Variants in NOTCH3 observed in about 807,000 individuals in gnomAD.
NOTCH3 encodes the protein neurogenic locus notch homolog protein 3.
In NOTCH3, 86 loss-of-function variants were observed where a neutral mutation model predicts 213.3. The ratio of observed to expected loss-of-function variants is 0.40; its 90% confidence interval spans 0.34 to 0.48. NOTCH3 has a LOEUF of 0.48. Ranked by LOEUF, NOTCH3 falls within the 20% of genes least tolerant of loss-of-function variation. The pLI, the probability that NOTCH3 is intolerant of heterozygous loss-of-function variation, is 0.57. For missense variants in NOTCH3, 2,783 were observed against 3,272.6 expected (o/e 0.85, Z 3.65); for synonymous variants, 1,354 against 1,355.9 (o/e 1.00, Z 0.03).
chr19:15,173,752 AGGAGAAGGAGAAGGAGAAG>A (rs2046761664), intron 25 of NOTCH3, among the ~76,000 whole-genome samples: 1 of 2,518 alleles, frequency 4.0e-4, no homozygotes, highest in Non-Finnish European at 1.2e-3. Context: ...GAAAAGAAGA[AGGAGAAGGAGAAGGAGAAG>A]GAGAAGGAGA....
chr19:15,190,830 A>T (rs1328367003), intron 6 of NOTCH3, among the ~76,000 whole-genome samples: 2 of 151,762 alleles, frequency 1.3e-5, no homozygotes, highest in Non-Finnish European at 2.9e-5. Context: ...CAAGCAATCT[A>T]CCCGCCTGGG....
intron 19 of NOTCH3, among the ~76,000 whole-genome samples, 188 bp from the exon 20 acceptor site, chr19:15,180,444 C>T (rs575334057): frequency 1.3e-5 from 2 of 152,244 alleles, no homozygotes; most frequent in South Asian, 2.1e-4. Context: ...ATGCCTTCAA[C>T]GCTCACAGCA....
Position 15,192,225 on chromosome 19 carries a change from G to A in NOTCH3, c.414C>T (p.Pro138=), listed in dbSNP as rs759982965. Residue 138 remains proline, a synonymous_variant, in exon 4 of 33, where the codon CCC becomes CCT. Coordinates refer to ENST00000263388, the MANE Select transcript of NOTCH3 (RefSeq NM_000435.3). ...GGCAGGAGCAGAGGAAGCGTCCATCGGGCCCCACTGAGCAGCGGGCACCGT... is the reference window on the plus strand; with the variant it reads ...GGCAGGAGCAGAGGAAGCGTCCATCAGGCCCCACTGAGCAGCGGGCACCGT... ...CAHGARCSVG[P]DGRFLCSCPP... The A allele has an allele frequency of 1.7e-5, 28 of 1,607,778 alleles. No homozygotes were observed. Among genetic ancestry groups the A allele is most frequent in the Middle Eastern group, 1.6e-4 (1 of 6,068 alleles).
intron 28 of NOTCH3, among the ~76,000 whole-genome samples, chr19:15,168,212 G>A (rs552535375): frequency 2.6e-5 from 4 of 152,258 alleles, no homozygotes; most frequent in South Asian, 2.1e-4. Flanking sequence ...TCAGGATGAC[G>A]CAGCCATTCC....
chr19:15,179,822 G>A (rs756081691), intron 20 of NOTCH3, among the ~76,000 whole-genome samples: 7 of 152,048 alleles, frequency 4.6e-5, no homozygotes, highest in Non-Finnish European at 1.0e-4. Context: ...GGCAAAGGTT[G>A]CAGTGAGCTG....
chr19:15,179,611 G>A (rs571089544), intron 20 of NOTCH3, 115 bp from the exon 21 acceptor site: 18 of 1,144,374 alleles, frequency 1.6e-5, no homozygotes, highest in South Asian at 7.8e-5. Flanking sequence ...GATGTTCAGC[G>A]CACTACCAGT....
rs556306253 is a variant in NOTCH3, at chr19:15,163,006, C to T, written c.5816-444G>A. Among the ~76,000 whole-genome samples the T allele has an allele frequency of 9.2e-5, 14 of 152,252 alleles. No individual in the cohort carries two copies. The East Asian group carries it at 1.7e-3, about 19-fold the overall frequency. ...GCAACCTCTACCTGCTGGGCTCAGG[C>T]GATTTTCCTGCCTCAGCCTCCCTAG... On this transcript the variant is annotated intron_variant, in intron 31 of 32. Coordinates refer to ENST00000263388, the MANE Select transcript of NOTCH3 (RefSeq NM_000435.3).
chr19:15,165,884 C>A lies in NOTCH3; in HGVS notation c.5570G>T (p.Arg1857Leu). Residue 1857 changes from arginine (R) to leucine (L), a missense_variant, in exon 30 of 33, where the codon CGG (arginine) becomes CTG (leucine). This residue lies in a region of NOTCH3 where 636 missense variants were observed against 801.8 expected (regional missense o/e 0.79). Coordinates refer to ENST00000263388, the MANE Select transcript of NOTCH3 (RefSeq NM_000435.3). The surrounding 1 kb of genome is among the most constrained non-coding windows in gnomAD (Gnocchi z 4.7). ...ARYARADAAK[R>L]LLDAGADTNA... is the part of the protein sequence containing the mutation. ...GGTGTCTGCCCCAGCATCCAGCAGC[C>A]GCTTGGCTGCATCAGCACGGGCATA... is the stretch of plus-strand genomic sequence containing the variant. 6.2e-7 allele frequency: 1 copy of A among 1,614,110 alleles called. No homozygotes were observed.
chr19:15,180,002 A>G lies in NOTCH3; in HGVS notation c.3327+70T>C, dbSNP rs1411539756. On this transcript the variant is annotated intron_variant, in intron 20 of 32. Transcript: ENST00000263388. Reference sequence around the variant, plus strand: ...GAGACATACCCATACCAAGCCACACAGAAATGTGTGCCCAGACGCACCCAA... The same window carrying G: ...GAGACATACCCATACCAAGCCACACGGAAATGTGTGCCCAGACGCACCCAA... 3.6e-6 allele frequency: 4 copies of G among 1,095,982 alleles called. No homozygotes were observed. In the East Asian group the frequency reaches 7.2e-5, roughly 20 times the overall value. 67.9% of individuals were successfully genotyped at this position (1,095,982 alleles called of 1,614,324 possible).
intron 19 of NOTCH3, 38 bp from the exon 20 acceptor site, chr19:15,180,294 C>A: frequency 6.2e-7 from 1 of 1,604,268 alleles, no homozygotes; most frequent in East Asian, 2.2e-5. Context: ...AGAGGTAACC[C>A]CATACATCCC....
chr19:15,166,432 A>T (rs1599365590), intron 29 of NOTCH3, among the ~76,000 whole-genome samples: 1 of 151,980 alleles, frequency 6.6e-6, no homozygotes. Context: ...AGGCAAAGAA[A>T]CCATCCCCTT....
At chr19:15,179,781 G>T (rs2046824016) in intron 20 of NOTCH3, 1 of 587,336 alleles carries the variant, frequency 1.7e-6, no homozygotes, top group Admixed American at 3.0e-5. Context: ...ATAATGAGAG[G>T]CTGAAGCAGA....
chr19:15,167,177 C>T, intron 29 of NOTCH3, 72 bp downstream of exon 29: 2 of 1,528,952 alleles, frequency 1.3e-6, no homozygotes, highest in Non-Finnish European at 1.8e-6. Flanking sequence ...CCCCAAAACA[C>T]AGAGTCAGAA....
chr19:15,184,836 A>G, intron 15 of NOTCH3, 70 bp downstream of exon 15: 1 of 913,194 alleles, frequency 1.1e-6, no homozygotes, highest in Non-Finnish European at 1.7e-6. Flanking sequence ...CTGGATCCCC[A>G]GCATCATCCC....
chr19:15,197,588 G>A lies in NOTCH3; in HGVS notation c.119-10C>T, dbSNP rs2145451407. ...TCCAGGCAAGGGGGGGCTGTGTGGG[G>A]GTGAAGGAAGGTGGAGGATCAGCCA... On this transcript the variant is annotated splice_polypyrimidine_tract_variant and intron_variant, in intron 1 of 32. Coordinates refer to ENST00000263388, the MANE Select transcript of NOTCH3 (RefSeq NM_000435.3). 6.2e-7 allele frequency: 1 copy of A among 1,610,468 alleles called. No individual in the cohort carries two copies. The highest frequency in any genetic ancestry group is 8.5e-7 in the Non-Finnish European group (1 of 1,179,306).
chr19:15,165,568 C>T lies in NOTCH3; in HGVS notation c.5668-53G>A. On this transcript the variant is annotated intron_variant, in intron 30 of 32. Coordinates refer to ENST00000263388, the MANE Select transcript of NOTCH3 (RefSeq NM_000435.3). The surrounding 1 kb of genome is among the most constrained non-coding windows in gnomAD (Gnocchi z 4.7). ...GGGGTCATGGCAGGAACAGAGGAAT[C>T]AGGAGCACCCCTAAGTCCCATGAAG... 6.3e-7 allele frequency: 1 copy of T among 1,593,668 alleles called. No individual in the cohort carries two copies. Among genetic ancestry groups the T allele is most frequent in the East Asian group, 2.2e-5 (1 of 44,706 alleles).
Position 15,191,540 on chromosome 19 carries a change from G to A in NOTCH3, c.920C>T (p.Thr307Ile), listed in dbSNP as rs2145439920. The A allele has an allele frequency of 2.5e-6, 4 of 1,613,428 alleles. No individual in the cohort carries two copies. The highest frequency in any genetic ancestry group is 3.4e-6 in the Non-Finnish European group (4 of 1,180,034). ...GATATTCTGACTGCAGCTCTCGCCT[G>A]TCCAGCCATTGACACACACGCAGCT... ...GHSCVCVNGWTGESCSQNIDD... is the reference protein window; with the variant it reads ...GHSCVCVNGWIGESCSQNIDD... The change falls in exon 6 of 33, where the codon ACA (threonine) becomes ATA (isoleucine). Residue 307 changes from threonine to isoleucine, a missense_variant. Physicochemically the swap from Thr to Ile is moderately conservative, Grantham distance 89. Transcript: ENST00000263388.
At chr19:15,195,584 C>A (rs1039402267) in intron 2 of NOTCH3, among the ~76,000 whole-genome samples, 6 of 152,160 alleles carry the variant, frequency 3.9e-5, no homozygotes, top group South Asian at 2.1e-4. Context: ...AGATCCCCCC[C>A]ACCCCGGCCC....
chr19:15,159,200 G>A lies in NOTCH3; in HGVS notation c.*1462C>T, dbSNP rs2046620451. On this transcript the variant is annotated 3_prime_UTR_variant, in exon 33 of 33. Coordinates refer to ENST00000263388, the MANE Select transcript of NOTCH3 (RefSeq NM_000435.3). Reference sequence around the variant, plus strand: ...AATGGAATGAACACTCAATTAACTGGAATTGATAACTGCACTGGGAGCCGA... The same window carrying A: ...AATGGAATGAACACTCAATTAACTGAAATTGATAACTGCACTGGGAGCCGA... 1 of 152,174 alleles carries A rather than the reference G, an allele frequency of 6.6e-6. No homozygotes were observed. Among genetic ancestry groups the A allele is most frequent in the Admixed American group, 6.5e-5 (1 of 15,274 alleles). The allele number at this position is 152,174 out of a possible 1,614,324, so 9.4% of individuals were successfully genotyped here.
Sources: allele counts gnomAD v4.1 joint callset (sites outside exome capture counted in the v4.1 genomes callset), GRCh38; gene constraint gnomAD v4.1.1; regional missense constraint gnomAD v4.1.1; non-coding constraint Gnocchi (gnomAD v3.1); transcripts MANE v1.5; gene names NCBI Gene and HGNC (gene_info 2026-07-23, HGNC 2026-07-21).